The following TUB variants were observed in gnomAD, a reference collection of about 807,000 sequenced individuals.
TUB encodes the protein TUB bipartite transcription factor.
A neutral mutation model predicts 59.7 loss-of-function variants in TUB; 33 were observed. The ratio of observed to expected loss-of-function variants is 0.55; its 90% CI spans 0.42 to 0.74. The LOEUF (loss-of-function observed/expected upper bound fraction) is 0.74. Ranked by LOEUF, TUB falls within the 30% of genes least tolerant of loss-of-function variation. TUB has a pLI of 0.00. For missense variants in TUB, 659 were observed against 672.0 expected (o/e 0.98, Z 0.21); for synonymous variants, 293 against 256.4 (o/e 1.14, Z -1.36).
chr11:8,029,816 G>A (rs920886896), intron 1 of TUB, among the ~76,000 whole-genome samples: 3 of 152,220 alleles, frequency 2.0e-5, no homozygotes, highest in Non-Finnish European at 2.9e-5. Context: ...GGTCCTGGCC[G>A]TGGCAGTGCC....
intron 2 of TUB, among the ~76,000 whole-genome samples, chr11:8,043,195 C>T (rs1473928509): frequency 6.6e-6 from 1 of 152,134 alleles, no homozygotes; most frequent in Non-Finnish European, 1.5e-5. Flanking sequence ...AACCATTTTA[C>T]CTCCATTGAA....
At chr11:8,072,955 G>A (rs6578921) in intron 2 of TUB, among the ~76,000 whole-genome samples, 102,203 of 152,186 alleles carry the variant, frequency 0.67, 35,381 homozygotes, top group African/African-American at 0.86. Context: ...AAGAGTCAAA[G>A]TATCAGAGAA....
At chr11:8,035,182 C>A (rs1279373960), upstream of TUB, among the ~76,000 whole-genome samples, 1 of 152,146 alleles carries the variant, frequency 6.6e-6, no homozygotes, top group Non-Finnish European at 1.5e-5. Flanking sequence ...TTTTTTAAAT[C>A]AAAATGAATG....
chr11:8,048,362 C>T (rs61449161), intron 2 of TUB, among the ~76,000 whole-genome samples: 1,747 of 152,228 alleles, frequency 0.011, 24 homozygotes, highest in African/African-American at 0.037. Context: ...CAAAAAGGGA[C>T]TACAATAGAT....
intron 1 of TUB, among the ~76,000 whole-genome samples, chr11:8,083,399 A>C (rs1036222440): frequency 6.6e-6 from 1 of 152,210 alleles, no homozygotes; most frequent in African/African-American, 2.4e-5. Context: ...GGAGCCAGGG[A>C]CTAAAGCCAC....
chr11:8,028,377 C>T (rs60855729), intron 1 of TUB, among the ~76,000 whole-genome samples: 5,617 of 152,170 alleles, frequency 0.037, 329 homozygotes, highest in African/African-American at 0.12. Context: ...AAATGTTTTT[C>T]CCCATTGTTG....
intron 3 of TUB, among the ~76,000 whole-genome samples, chr11:8,093,390 C>A (rs1213945953): frequency 6.6e-6 from 1 of 152,062 alleles, no homozygotes; most frequent in Non-Finnish European, 1.5e-5. Context: ...TATTTTAGAC[C>A]TAGGGGAAGG....
At chr11:8,031,154 T>C (rs1942565701) in intron 1 of TUB, among the ~76,000 whole-genome samples, 1 of 152,210 alleles carries the variant, frequency 6.6e-6, no homozygotes, top group Non-Finnish European at 1.5e-5. Context: ...TGTAGATGTG[T>C]CCCAGTTGTG....
intron 3 of TUB, among the ~76,000 whole-genome samples, chr11:8,090,655 T>C (rs775590215): frequency 1.3e-5 from 2 of 152,180 alleles, no homozygotes; most frequent in Non-Finnish European, 2.9e-5. Context: ...TCCTTCCCTC[T>C]CTGCACCGTG....
At chr11:8,096,485 A>G (rs1048916859) in intron 5 of TUB, among the ~76,000 whole-genome samples, 200 bp from the exon 6 acceptor site, 2 of 152,166 alleles carry the variant, frequency 1.3e-5, no homozygotes, top group Non-Finnish European at 2.9e-5. Context: ...ACCTGAGAGA[A>G]TATCCTTTTA....
At chr11:8,059,239 C>T (rs946357842) in intron 2 of TUB, among the ~76,000 whole-genome samples, 4 of 152,096 alleles carry the variant, frequency 2.6e-5, no homozygotes, top group Non-Finnish European at 5.9e-5. Flanking sequence ...GTAGCAGGCT[C>T]AGGGATTTAC....
At chr11:8,060,755 A>G (rs577595712) in intron 2 of TUB, among the ~76,000 whole-genome samples, 9 of 152,316 alleles carry the variant, frequency 5.9e-5, no homozygotes, top group African/African-American at 1.7e-4. Context: ...ACTGATAACT[A>G]CTGGGCCAGA....
intron 9 of TUB, 48 bp from the exon 10 acceptor site, chr11:8,100,455 T>C (rs751980260): frequency 2.1e-6 from 3 of 1,463,230 alleles, no homozygotes; most frequent in Non-Finnish European, 2.9e-6. Context: ...CCTTCTCCAG[T>C]AGGTAAATAG....
intron 3 of TUB, among the ~76,000 whole-genome samples, chr11:8,091,916 GC>G (rs745342901): frequency 6.6e-6 from 1 of 152,230 alleles, no homozygotes; most frequent in East Asian, 1.9e-4. Context: ...TGGCATCACA[GC>G]CCCAGCTCTG....
intron 2 of TUB, among the ~76,000 whole-genome samples, chr11:8,041,949 A>T (rs1942758152): frequency 6.6e-6 from 1 of 152,176 alleles, no homozygotes. Flanking sequence ...CAATTCCTCC[A>T]CAACTATTTC....
chr11:8,070,147 C>A (rs1436736633), intron 2 of TUB, among the ~76,000 whole-genome samples: 1 of 152,224 alleles, frequency 6.6e-6, no homozygotes, highest in Non-Finnish European at 1.5e-5. Flanking sequence ...ATAAAAAAAT[C>A]TCTGTACATT....
intron 1 of TUB, among the ~76,000 whole-genome samples, chr11:8,031,709 A>G (rs1000853728): frequency 2.6e-5 from 4 of 152,222 alleles, no homozygotes; most frequent in African/African-American, 7.2e-5. Flanking sequence ...CGAGCTGGCC[A>G]TGCGCGATCT....
intron 2 of TUB, among the ~76,000 whole-genome samples, chr11:8,052,956 TATC>T (rs1412856611): frequency 1.3e-5 from 2 of 152,250 alleles, no homozygotes; most frequent in African/African-American, 4.8e-5. Context: ...ATGATCAGTT[TATC>T]TTCTTTTCTA....
rs760736707 is a variant in TUB, at chr11:8,105,979, C to T, written c.*4360C>T. On this transcript the variant is annotated 3_prime_UTR_variant, in exon 12 of 12. Transcript: ENST00000299506. ...TGCCTAGACTGTGTATGTCTATTTG[C>T]ACAAGATTGTCTTTTCCTATTTTGG... 1.3e-5 allele frequency: 2 copies of T among 151,990 alleles called. No individual in the cohort carries two copies. The highest frequency in any genetic ancestry group is 2.4e-5 in the African/African-American group (1 of 41,442). 9.4% of individuals were successfully genotyped at this position (151,990 alleles called of 1,614,324 possible). A position where few individuals can be genotyped will look rare whatever the true frequency, so the allele number is the denominator to read the frequency against.
Sources: allele counts gnomAD v4.1 joint callset (sites outside exome capture counted in the v4.1 genomes callset), GRCh38; gene constraint gnomAD v4.1.1; transcripts MANE v1.5; gene names NCBI Gene and HGNC (gene_info 2026-07-23, HGNC 2026-07-21).